GRID2: variants seen among roughly 807,000 people sequenced by gnomAD.
GRID2 encodes the protein glutamate receptor ionotropic, delta-2.
In GRID2, 33 loss-of-function variants were observed where a neutral mutation model predicts 114.8. That is an observed-to-expected ratio of 0.29 (90% CI 0.22 to 0.38). The LOEUF (loss-of-function observed/expected upper bound fraction) is 0.38, where lower values mean the gene tolerates loss of function less well. Among genes scored for constraint, GRID2 ranks in the 10% least tolerant of loss-of-function variants. GRID2 has a pLI of 1.00. For synonymous variants in GRID2, 505 were observed against 449.9 expected (o/e 1.12, Z -1.55); for missense variants, 1,184 against 1,257.7 (o/e 0.94, Z 0.89).
At chr4:92,692,913 C>T (rs566533725) in intron 2 of GRID2, among the ~76,000 whole-genome samples, 12 of 151,846 alleles carry the variant, frequency 7.9e-5, no homozygotes, top group Non-Finnish European at 1.6e-4. Context: ...ATCCTAGCTA[C>T]TCGGGAGGCT....
chr4:92,501,249 G>A (rs2149123261), intron 1 of GRID2, among the ~76,000 whole-genome samples: 1 of 152,286 alleles, frequency 6.6e-6, no homozygotes, highest in East Asian at 1.9e-4. Context: ...TGTGTGGCAA[G>A]GAATAAAGTG....
At chr4:92,415,591 CT>C (rs1301558685) in intron 1 of GRID2, among the ~76,000 whole-genome samples, 1 of 151,322 alleles carries the variant, frequency 6.6e-6, no homozygotes, top group African/African-American at 2.4e-5. Flanking sequence ...TTCTGAGTTA[CT>C]TCACTTAGAA....
rs546142066 is a variant in GRID2, at chr4:92,631,060, C to T, written c.244+40774C>T. On this transcript the variant is annotated intron_variant, in intron 2 of 15. Transcript: ENST00000282020. ...AAGAGATCTATCTCTCTGTTCTTCT[C>T]TTTTTTTCCTGTTTCTCTTTCAGAA... Among the ~76,000 whole-genome samples, 5 of 151,646 alleles carry T rather than the reference C, an allele frequency of 3.3e-5. No individual in the cohort carries two copies. In the East Asian group the frequency reaches 9.7e-4, roughly 29 times the overall value.
At chr4:92,890,382 G>A (rs1429118346) in intron 2 of GRID2, among the ~76,000 whole-genome samples, 2 of 151,908 alleles carry the variant, frequency 1.3e-5, no homozygotes, top group Non-Finnish European at 2.9e-5. Flanking sequence ...CAAAAGTCTA[G>A]TATCCAGAAT....
At chr4:92,526,648 G>A (rs144053285) in intron 1 of GRID2, among the ~76,000 whole-genome samples, 108 of 152,014 alleles carry the variant, frequency 7.1e-4, no homozygotes, top group African/African-American at 2.3e-3. Context: ...CCAGCCAATG[G>A]TTGCATTTTT....
chr4:93,078,676 G>C (rs944906645), intron 2 of GRID2, among the ~76,000 whole-genome samples: 1 of 144,450 alleles, frequency 6.9e-6, no homozygotes, highest in African/African-American at 2.5e-5. Context: ...TGTATATTTA[G>C]TAAATATACT....
At chr4:93,359,653 G>A (rs758307908) in intron 8 of GRID2, among the ~76,000 whole-genome samples, 45 of 150,416 alleles carry the variant, frequency 3.0e-4, no homozygotes, top group Non-Finnish European at 6.1e-4. Context: ...ACAAATAAGT[G>A]AGAACATGTG....
chr4:93,665,734 G>A (rs550418028), intron 14 of GRID2, among the ~76,000 whole-genome samples: 5 of 152,114 alleles, frequency 3.3e-5, no homozygotes, highest in South Asian at 2.1e-4. Flanking sequence ...TTAAATTTCC[G>A]GCTTCATTTG....
At chr4:92,792,077 A>G (rs1476297406) in intron 2 of GRID2, among the ~76,000 whole-genome samples, 1 of 151,880 alleles carries the variant, frequency 6.6e-6, no homozygotes, top group Non-Finnish European at 1.5e-5. Flanking sequence ...TGTCCAAGAC[A>G]CTTGGTGACC....
In GRID2 at chr4:93,110,780, G is replaced by A. The variant is rs950727930; in HGVS notation, c.562G>A (p.Val188Ile). ...IRGIQEFLDK[V>I]SQQGMDVALQ... ...TGGAATACAGGAGTTCTTGGACAAA[G>A]TCTCTCAGCAGGGAATGGATGTTGC... The change falls in exon 4 of 16, where the codon GTC (valine) becomes ATC (isoleucine). Residue 188 changes from valine to isoleucine, a missense_variant. Coordinates refer to ENST00000282020, the MANE Select transcript of GRID2 (RefSeq NM_001510.4). 10 of 1,612,814 alleles carry A rather than the reference G, an allele frequency of 6.2e-6. No individual in the cohort carries two copies. In the African/African-American group the frequency reaches 6.7e-5, roughly 11 times the overall value.
chr4:93,375,541 C>T (rs1208520713), intron 8 of GRID2, among the ~76,000 whole-genome samples: 1 of 151,954 alleles, frequency 6.6e-6, no homozygotes, highest in Non-Finnish European at 1.5e-5. Context: ...TTGTGTAGGT[C>T]TCTGGAATGT....
chr4:93,538,311 G>C (rs1271856441), intron 13 of GRID2, among the ~76,000 whole-genome samples: 2 of 151,420 alleles, frequency 1.3e-5, no homozygotes, highest in African/African-American at 4.8e-5. Context: ...GGCCAGAACA[G>C]AAATAACACA....
intron 2 of GRID2, among the ~76,000 whole-genome samples, chr4:92,643,643 T>C (rs1731471041): frequency 6.6e-6 from 1 of 151,656 alleles, no homozygotes; most frequent in African/African-American, 2.4e-5. Context: ...AAATAAAAAA[T>C]TTCTATATAC....
At chr4:93,703,968 G>C (rs1313367385) in intron 14 of GRID2, among the ~76,000 whole-genome samples, 1 of 151,834 alleles carries the variant, frequency 6.6e-6, no homozygotes, top group African/African-American at 2.4e-5. Flanking sequence ...GTGTGCATGT[G>C]TCTTTATAGC....
intron 2 of GRID2, among the ~76,000 whole-genome samples, chr4:92,753,691 G>A (rs1395049594): frequency 1.3e-5 from 2 of 152,218 alleles, no homozygotes; most frequent in Non-Finnish European, 1.5e-5. Flanking sequence ...ACTAAAATGA[G>A]TAATGGGCTG....
intron 2 of GRID2, among the ~76,000 whole-genome samples, chr4:92,801,588 ATTACT>A (rs1442762722): frequency 4.6e-5 from 7 of 151,826 alleles, no homozygotes; most frequent in South Asian, 4.1e-4. Flanking sequence ...CTTCAAATTG[ATTACT>A]TCACTTAAGC....
At chr4:93,109,602 A>C (rs545354416) in intron 3 of GRID2, among the ~76,000 whole-genome samples, 10 of 152,188 alleles carry the variant, frequency 6.6e-5, no homozygotes, top group African/African-American at 2.4e-4. Flanking sequence ...GGAAGCACAC[A>C]CTATTAAGGA....
At chr4:93,660,364 C>T (rs1723381495) in intron 14 of GRID2, among the ~76,000 whole-genome samples, 1 of 151,980 alleles carries the variant, frequency 6.6e-6, no homozygotes. Context: ...ATTACAGGTG[C>T]TTGAAGTCAG....
intron 14 of GRID2, among the ~76,000 whole-genome samples, chr4:93,656,870 G>A (rs1723069959): frequency 7.2e-6 from 1 of 139,422 alleles, no homozygotes; most frequent in Admixed American, 7.4e-5. Context: ...AATAATTCCA[G>A]CTGTCATTTC....
Sources: gnomAD v4.1 joint callset for allele counts (sites outside exome capture counted in the v4.1 genomes callset) on GRCh38, gnomAD v4.1.1 for gene constraint, MANE v1.5 for transcripts, NCBI Gene and HGNC (gene_info 2026-07-23, HGNC 2026-07-21) for gene names.